STAB2: variants seen among roughly 807,000 people sequenced by gnomAD.
STAB2 encodes the protein stabilin 2.
In STAB2, 288 loss-of-function variants were observed where a neutral mutation model predicts 338.1. That is an observed-to-expected ratio of 0.85 (90% CI 0.77 to 0.94). The LOEUF is 0.94. Among genes scored for constraint, STAB2 ranks in the 40% least tolerant of loss-of-function variants. The pLI is 0.00. For missense variants in STAB2, 3,141 were observed against 3,210.1 expected (o/e 0.98, Z 0.52); for synonymous variants, 1,202 against 1,193.3 (o/e 1.01, Z -0.15).
At chr12:103,646,133 A>C (rs976527415) in intron 9 of STAB2, among the ~76,000 whole-genome samples, 7 of 152,188 alleles carry the variant, frequency 4.6e-5, no homozygotes, top group Non-Finnish European at 1.0e-4. Context: ...AGATCACGCC[A>C]TTGCACTCCA....
At chr12:103,713,498 T>C (rs1880048147) in intron 41 of STAB2, 145 bp from the exon 42 acceptor site, 1 of 1,222,810 alleles carries the variant, frequency 8.2e-7, no homozygotes, top group South Asian at 1.4e-5. Flanking sequence ...TTACTTGCTC[T>C]CTGTTTTTGG....
At chr12:103,618,793 TTTA>T (rs759801322) in intron 3 of STAB2, among the ~76,000 whole-genome samples, 2 of 152,182 alleles carry the variant, frequency 1.3e-5, no homozygotes, top group Non-Finnish European at 2.9e-5. Context: ...AAATGCATCC[TTTA>T]TTATTATTGA....
At chr12:103,700,165 T>C (rs1052303123) in intron 34 of STAB2, among the ~76,000 whole-genome samples, 30 of 152,250 alleles carry the variant, frequency 2.0e-4, no homozygotes, top group Non-Finnish European at 7.3e-5. Flanking sequence ...TGAGGCTCAA[T>C]ATTTAATATA....
At chr12:103,750,493 G>C in intron 59 of STAB2, 86 bp from the exon 60 acceptor site, 1 of 1,553,994 alleles carries the variant, frequency 6.4e-7, no homozygotes, top group Non-Finnish European at 8.8e-7. Context: ...ACACCTCCTA[G>C]GCTGGACATT....
At chr12:103,670,674 T>C (rs1220889518) in intron 21 of STAB2, 22 bp from the exon 22 acceptor site, 4 of 1,600,762 alleles carry the variant, frequency 2.5e-6, no homozygotes, top group African/African-American at 2.7e-5. Context: ...TAATGGCCCA[T>C]GGGCCCTGCC....
intron 3 of STAB2, among the ~76,000 whole-genome samples, chr12:103,605,885 A>T (rs1201300025): frequency 2.6e-5 from 4 of 151,948 alleles, no homozygotes; most frequent in Non-Finnish European, 5.9e-5. Context: ...GCATATAGTT[A>T]GGGTCTCTTG....
chr12:103,636,880 G>A lies in STAB2; in HGVS notation c.584-231G>A, dbSNP rs113659113. On this transcript the variant is annotated intron_variant, in intron 6 of 68. Transcript: ENST00000388887. ...AAATATTTTAACAGGATTCTATTTT[G>A]TTACAAAATCAGACAAATAAATGTT... 4.3e-4 allele frequency among the ~76,000 whole-genome samples: 66 copies of A among 152,154 alleles called. 1 individual carries two copies. Among genetic ancestry groups the A allele is most frequent in the African/African-American group, 1.2e-3 (50 of 41,496 alleles).
At chr12:103,597,609 C>G (rs1956896475) in intron 3 of STAB2, among the ~76,000 whole-genome samples, 1 of 152,130 alleles carries the variant, frequency 6.6e-6, no homozygotes, top group South Asian at 2.1e-4. Flanking sequence ...GTATTTCTAC[C>G]TGAATGTAAC....
intron 20 of STAB2, among the ~76,000 whole-genome samples, chr12:103,669,030 G>A (rs371000998): frequency 6.6e-6 from 1 of 152,096 alleles, no homozygotes; most frequent in African/African-American, 2.4e-5. Context: ...CTCAGAGCAT[G>A]CACACTTGCC....
At chr12:103,756,653 C>G (rs11610157) in intron 63 of STAB2, among the ~76,000 whole-genome samples, 6 of 152,016 alleles carry the variant, frequency 3.9e-5, no homozygotes, top group Admixed American at 6.5e-5. Flanking sequence ...CTTTCGAGTA[C>G]GGAACAAGGA....
intron 22 of STAB2, among the ~76,000 whole-genome samples, chr12:103,671,766 G>T (rs1003221780): frequency 3.3e-5 from 5 of 152,178 alleles, no homozygotes; most frequent in African/African-American, 9.7e-5. Context: ...TGTAGAACAT[G>T]TAGAAAGTTC....
chr12:103,688,409 C>T (rs1484367757), intron 28 of STAB2, among the ~76,000 whole-genome samples, 194 bp downstream of exon 28: 2 of 152,086 alleles, frequency 1.3e-5, no homozygotes, highest in African/African-American at 2.4e-5. Context: ...AGGTCCCACC[C>T]CTGAAGACTC....
chr12:103,673,088 C>T (rs904900496), intron 22 of STAB2, among the ~76,000 whole-genome samples: 3 of 152,136 alleles, frequency 2.0e-5, no homozygotes, highest in African/African-American at 4.8e-5. Flanking sequence ...GCCCAAATAT[C>T]GCCTATTGGT....
rs145493899 is a variant in STAB2 at position 103,759,483 on chromosome 12, G to A, written c.7248+210G>A. Among the ~76,000 whole-genome samples, 27 of 152,334 alleles carry A rather than the reference G, an allele frequency of 1.8e-4. No individual in the cohort carries two copies. In the East Asian group the frequency reaches 4.8e-3, roughly 27 times the overall value. Reference sequence around the variant, plus strand: ...GGGAAATAGGGCAGCCTCAGAAGCTGGTTATGGGGAAGGATAATGAACCCA... The same window carrying A: ...GGGAAATAGGGCAGCCTCAGAAGCTAGTTATGGGGAAGGATAATGAACCCA... On this transcript the variant is annotated intron_variant, in intron 65 of 68. Transcript: ENST00000388887.
At chr12:103,639,472 G>A (rs1000641178) in intron 8 of STAB2, among the ~76,000 whole-genome samples, 3 of 152,086 alleles carry the variant, frequency 2.0e-5, no homozygotes, top group African/African-American at 4.8e-5. Context: ...GGAGGCTGAG[G>A]CAGATGGATT....
chr12:103,602,658 C>T (rs4015364), intron 3 of STAB2, among the ~76,000 whole-genome samples: 48,951 of 152,098 alleles, frequency 0.32, 10,042 homozygotes, highest in African/African-American at 0.58. Flanking sequence ...TTTATAGCCA[C>T]TCTAATGGAT....
intron 3 of STAB2, among the ~76,000 whole-genome samples, chr12:103,615,457 A>C (rs1312563620): frequency 2.0e-5 from 3 of 152,180 alleles, no homozygotes; most frequent in Non-Finnish European, 4.4e-5. Context: ...GGAAGCCTGC[A>C]TCTTAAAGGA....
chr12:103,692,783 C>A, intron 30 of STAB2, 29 bp from the exon 31 acceptor site: 1 of 1,591,660 alleles, frequency 6.3e-7, no homozygotes, highest in Non-Finnish European at 8.6e-7. Context: ...TATAAAGACT[C>A]ATCTTCCCAC....
intron 2 of STAB2, chr12:103,592,332 G>A: frequency 6.6e-6 from 1 of 152,058 alleles, no homozygotes; most frequent in South Asian, 2.1e-4. Context: ...TTTTTGTACT[G>A]GCTACTTTTT....
Sources: allele counts gnomAD v4.1 joint callset (sites outside exome capture counted in the v4.1 genomes callset), GRCh38; gene constraint gnomAD v4.1.1; transcripts MANE v1.5; gene names NCBI Gene and HGNC (gene_info 2026-07-23, HGNC 2026-07-21).